GALNTL5: variants seen among roughly 807,000 people sequenced by gnomAD.
The protein encoded by GALNTL5 is polypeptide N-acetylgalactosaminyltransferase like 5.
GALNTL5 carries 44 observed loss-of-function variants against 51.0 expected under a neutral mutation model. The observed-to-expected ratio is 0.86, with a 90% confidence interval of 0.68 to 1.11. The LOEUF is 1.11. GALNTL5 is among the 50% of genes least tolerant of loss of function. The pLI, the probability that GALNTL5 is intolerant of heterozygous loss-of-function variation, is 0.00. For synonymous variants in GALNTL5, 192 were observed against 182.8 expected (o/e 1.05, Z -0.41); for missense variants, 528 against 531.8 (o/e 0.99, Z 0.07).
At chr7:151,998,770 T>TAAAAA (rs1447916747) in intron 5 of GALNTL5, among the ~76,000 whole-genome samples, 3 of 71,408 alleles carry the variant, frequency 4.2e-5, no homozygotes, top group African/African-American at 7.3e-5. Flanking sequence ...AGACTCTATC[T>TAAAAA]AAAAAAAAAA....
intron 5 of GALNTL5, among the ~76,000 whole-genome samples, chr7:151,996,144 A>C (rs779643541): frequency 7.2e-5 from 11 of 152,164 alleles, no homozygotes; most frequent in Non-Finnish European, 1.3e-4. Flanking sequence ...TCATACGCTT[A>C]AGCACAGATT....
At chr7:151,975,620 C>G (rs2081195240) in intron 3 of GALNTL5, among the ~76,000 whole-genome samples, 1 of 151,882 alleles carries the variant, frequency 6.6e-6, no homozygotes, top group Non-Finnish European at 1.5e-5. Context: ...GCTTAGTCTG[C>G]TGTCTTTTTC....
At chr7:152,008,727 GTTGT>G (rs139916189) in intron 7 of GALNTL5, among the ~76,000 whole-genome samples, 69 of 151,148 alleles carry the variant, frequency 4.6e-4, no homozygotes, top group South Asian at 3.1e-3. Flanking sequence ...TGTTGTTTTT[GTTGT>G]TTGTTTGTTT....
chr7:152,016,023 C>T (rs117925056), intron 8 of GALNTL5, among the ~76,000 whole-genome samples: 3,480 of 152,236 alleles, frequency 0.023, 61 homozygotes, highest in South Asian at 0.043. Context: ...GGTAATAATG[C>T]TCCATTTCTT....
At chr7:151,980,737 A>ATTTTTTTTTTTTTTTTTTTTTTTTT (rs61288964) in intron 3 of GALNTL5, among the ~76,000 whole-genome samples, 1 of 98,966 alleles carries the variant, frequency 1.0e-5, no homozygotes, top group African/African-American at 4.7e-5. Flanking sequence ...GCTAACAATG[A>ATTTTTTTTTTTTTTTTTTTTTTTTT]TTTTTTTTTT....
At chr7:151,966,352 C>T (rs1341265564) in intron 1 of GALNTL5, among the ~76,000 whole-genome samples, 4 of 151,924 alleles carry the variant, frequency 2.6e-5, no homozygotes, top group Non-Finnish European at 5.9e-5. Flanking sequence ...ACTGCAACCT[C>T]CGCTTCCCAG....
chr7:151,970,148 TG>T (rs541377168), intron 2 of GALNTL5, among the ~76,000 whole-genome samples: 1 of 94,026 alleles, frequency 1.1e-5, no homozygotes, highest in Non-Finnish European at 2.3e-5. Context: ...AGGGGGTAGT[TG>T]GGGGGGCCCC....
intron 8 of GALNTL5, among the ~76,000 whole-genome samples, chr7:152,018,603 T>C (rs182732479): frequency 6.6e-6 from 1 of 152,290 alleles, no homozygotes; most frequent in East Asian, 1.9e-4. Flanking sequence ...ATGGATTGCA[T>C]AATACAGCAC....
At chr7:151,969,002 A>G (rs953895577) in intron 2 of GALNTL5, among the ~76,000 whole-genome samples, 1 of 152,118 alleles carries the variant, frequency 6.6e-6, no homozygotes, top group South Asian at 2.1e-4. Flanking sequence ...ACTTCTTTAT[A>G]TATCCTAAAT....
At chr7:151,979,588 T>A (rs1435296643) in intron 3 of GALNTL5, among the ~76,000 whole-genome samples, 1 of 151,548 alleles carries the variant, frequency 6.6e-6, no homozygotes, top group Non-Finnish European at 1.5e-5. Context: ...GCCTCCCAAG[T>A]GGCTGGGATT....
intron 5 of GALNTL5, among the ~76,000 whole-genome samples, chr7:151,997,944 G>A (rs920324150): frequency 2.6e-5 from 4 of 152,252 alleles, no homozygotes; most frequent in East Asian, 3.9e-4. Flanking sequence ...GCTCATGCTT[G>A]TAATCCTAGC....
At chr7:151,991,293 A>G (rs1252619538) in intron 5 of GALNTL5, among the ~76,000 whole-genome samples, 3 of 152,070 alleles carry the variant, frequency 2.0e-5, no homozygotes, top group Non-Finnish European at 4.4e-5. Flanking sequence ...GGGTTTCGCC[A>G]TGTTGGTCAG....
chr7:152,018,510 A>C (rs1253611093), intron 8 of GALNTL5, among the ~76,000 whole-genome samples: 1 of 152,114 alleles, frequency 6.6e-6, no homozygotes, highest in African/African-American at 2.4e-5. Context: ...TGAATTGAAC[A>C]TAGCTATTTC....
intron 7 of GALNTL5, among the ~76,000 whole-genome samples, chr7:152,010,392 C>T (rs1263053391): frequency 1.3e-5 from 2 of 152,106 alleles, no homozygotes; most frequent in Admixed American, 6.5e-5. Flanking sequence ...ATTACAGGCA[C>T]AAGCCACCGC....
chr7:151,986,678 A>G (rs2081362814), intron 4 of GALNTL5, among the ~76,000 whole-genome samples: 1 of 152,112 alleles, frequency 6.6e-6, no homozygotes, highest in East Asian at 1.9e-4. Context: ...GTTGATTTTG[A>G]TAATGAATCA....
chr7:151,963,689 C>T (rs1028353400), intron 1 of GALNTL5, among the ~76,000 whole-genome samples: 10 of 152,302 alleles, frequency 6.6e-5, no homozygotes, highest in Middle Eastern at 3.4e-3. Context: ...TGAGCCACTG[C>T]GCCTGGCCAT....
intron 7 of GALNTL5, among the ~76,000 whole-genome samples, chr7:152,012,135 C>T (rs1274605298): frequency 2.0e-5 from 3 of 152,206 alleles, no homozygotes; most frequent in Non-Finnish European, 1.5e-5. Context: ...TATACCTCTG[C>T]ATGCATGATG....
intron 6 of GALNTL5, among the ~76,000 whole-genome samples, chr7:152,004,926 AT>A (rs1276360637): frequency 6.6e-6 from 1 of 152,192 alleles, no homozygotes; most frequent in Non-Finnish European, 1.5e-5. Context: ...AATGGCAGGT[AT>A]CTTTTTGACA....
intron 5 of GALNTL5, among the ~76,000 whole-genome samples, chr7:151,993,169 G>T (rs993604803): frequency 2.0e-5 from 3 of 151,774 alleles, no homozygotes; most frequent in Non-Finnish European, 4.4e-5. Flanking sequence ...AGGAGGTGGA[G>T]GCTGCAGTGA....
Sources: gnomAD v4.1 joint callset for allele counts (sites outside exome capture counted in the v4.1 genomes callset) on GRCh38, gnomAD v4.1.1 for gene constraint, MANE v1.5 for transcripts, NCBI Gene and HGNC (gene_info 2026-07-23, HGNC 2026-07-21) for gene names.